The following COL13A1 variants were observed in gnomAD, a reference collection of about 807,000 sequenced individuals.
COL13A1 encodes the protein collagen type XIII alpha 1 chain, also known as collagen alpha-1(XIII) chain.
In COL13A1, 89 loss-of-function variants were observed where a neutral mutation model predicts 130.9. That is an observed-to-expected ratio of 0.68 (90% CI 0.57 to 0.81). The LOEUF is 0.81. Among genes scored for constraint, COL13A1 ranks in the 30% least tolerant of loss-of-function variants. COL13A1 has a pLI of 0.00. For synonymous variants in COL13A1, 402 were observed against 341.6 expected (o/e 1.18, Z -1.95); for missense variants, 879 against 934.6 (o/e 0.94, Z 0.78).
rs374135259 is a variant in COL13A1 at position 69,919,162 on chromosome 10, G to A, written c.1026+74G>A. ...GGCAGAGGTGGGAGGGGCTGCTGCT[G>A]TTTTGCTCTTGGTCCCCCTGAGGCT... On this transcript the variant is annotated intron_variant, in intron 20 of 40. Coordinates refer to ENST00000645393, the MANE Select transcript of COL13A1 (RefSeq NM_001368882.1). The A allele has an allele frequency of 1.1e-4, 178 of 1,597,458 alleles. No individual in the cohort carries two copies. The African/African-American group carries it at 2.0e-3, about 18-fold the overall frequency.
Position 69,891,414 on chromosome 10 carries a change from G to T in COL13A1, c.603+1974G>T, listed in dbSNP as rs545320396. 1.5e-4 allele frequency among the ~76,000 whole-genome samples: 23 copies of T among 152,354 alleles called. No individual in the cohort carries two copies. The South Asian group carries it at 4.3e-3, about 29-fold the overall frequency. On this transcript the variant is annotated intron_variant, in intron 10 of 40. Coordinates refer to ENST00000645393, the MANE Select transcript of COL13A1 (RefSeq NM_001368882.1). ...GAATAGCACGTGCAAAGGTCCTGAG[G>T]TAGGAAAATCCTTGACATGTCTGCA...
intron 2 of COL13A1, among the ~76,000 whole-genome samples, chr10:69,835,794 T>C (rs1849896397): frequency 6.6e-6 from 1 of 152,156 alleles, no homozygotes; most frequent in Non-Finnish European, 1.5e-5. Context: ...CCAGGGAGCA[T>C]GGAGTCAGAT....
At chr10:69,865,956 T>C (rs951807383) in intron 2 of COL13A1, among the ~76,000 whole-genome samples, 33 of 152,206 alleles carry the variant, frequency 2.2e-4, no homozygotes, top group African/African-American at 7.5e-4. Flanking sequence ...AGTTTCTTCA[T>C]CCGCAAGGCG....
chr10:69,863,582 G>C (rs1306977110), intron 2 of COL13A1, among the ~76,000 whole-genome samples: 1 of 152,154 alleles, frequency 6.6e-6, no homozygotes, highest in Non-Finnish European at 1.5e-5. Context: ...TCCAGGACCA[G>C]GACTGGATCC....
intron 14 of COL13A1, among the ~76,000 whole-genome samples, chr10:69,902,178 A>G (rs2062249654): frequency 6.6e-6 from 1 of 152,182 alleles, no homozygotes; most frequent in Non-Finnish European, 1.5e-5. Flanking sequence ...CAAATTTTAT[A>G]TGTAAAGTCT....
chr10:69,836,717 T>C (rs1850160926), intron 2 of COL13A1, among the ~76,000 whole-genome samples: 1 of 152,170 alleles, frequency 6.6e-6, no homozygotes, highest in South Asian at 2.1e-4. Flanking sequence ...CACACAGAGC[T>C]ACATCCTTGG....
intron 2 of COL13A1, among the ~76,000 whole-genome samples, chr10:69,860,916 G>A (rs1174578486): frequency 1.3e-5 from 2 of 152,214 alleles, no homozygotes; most frequent in Admixed American, 6.5e-5. Context: ...CTAGGCTGGC[G>A]AACGGCTTCC....
chr10:69,884,385 C>G (rs2060423410), intron 7 of COL13A1, among the ~76,000 whole-genome samples: 1 of 152,196 alleles, frequency 6.6e-6, no homozygotes, highest in Non-Finnish European at 1.5e-5. Context: ...CATTTGCCGG[C>G]AAGGAGTCTT....
intron 15 of COL13A1, 27 bp downstream of exon 15, chr10:69,902,882 A>C: frequency 6.8e-7 from 1 of 1,475,154 alleles, no homozygotes; most frequent in Non-Finnish European, 9.1e-7. Flanking sequence ...TCTCTCCTTC[A>C]AGACTTATCC....
chr10:69,933,085 A>C (rs2066343318), intron 31 of COL13A1, among the ~76,000 whole-genome samples: 1 of 132,344 alleles, frequency 7.6e-6, no homozygotes, highest in South Asian at 2.7e-4. Flanking sequence ...ACAGTGAGCC[A>C]GGATTGTGCC....
Position 69,887,005 on chromosome 10 carries a change from G to A in COL13A1, c.514-451G>A, listed in dbSNP as rs1171104468. Among the ~76,000 whole-genome samples the A allele has an allele frequency of 3.9e-5, 6 of 152,188 alleles. No homozygotes were observed. The South Asian group carries it at 1.2e-3, about 32-fold the overall frequency. ...AGTCTAGCCTGAAAACACACATTTT[G>A]AAGGTCAGGTTCTGATATCCAAGCC... On this transcript the variant is annotated intron_variant, in intron 7 of 40. Transcript: ENST00000645393.
At chr10:69,803,860 TG>T (rs1840737601) in intron 1 of COL13A1, among the ~76,000 whole-genome samples, 1 of 152,148 alleles carries the variant, frequency 6.6e-6, no homozygotes, top group Admixed American at 6.5e-5. Context: ...CTAACTGTGG[TG>T]GGTGGGGTGC....
intron 10 of COL13A1, among the ~76,000 whole-genome samples, chr10:69,893,419 C>G (rs929591736): frequency 2.0e-5 from 3 of 152,252 alleles, no homozygotes; most frequent in Admixed American, 6.5e-5. Flanking sequence ...CATGGATGGT[C>G]CCAAAGGCCA....
Position 69,889,447 on chromosome 10 carries a change from G to C in COL13A1, c.603+7G>C. ...AGGACCAAAGGGCGACATGGTAAGA[G>C]CCCAGCTTTCCTGCCTTCCCGAGAT... is the stretch of plus-strand genomic sequence containing the variant. On this transcript the variant is annotated splice_region_variant and intron_variant, in intron 10 of 40. Coordinates refer to ENST00000645393, the MANE Select transcript of COL13A1 (RefSeq NM_001368882.1). 6.2e-7 allele frequency: 1 copy of C among 1,611,266 alleles called. No individual in the cohort carries two copies. The highest frequency in any genetic ancestry group is 8.5e-7 in the Non-Finnish European group (1 of 1,178,902).
At chr10:69,923,927 A>AC (rs1156565184) in intron 24 of COL13A1, 72 bp downstream of exon 24, 2 of 1,551,296 alleles carry the variant, frequency 1.3e-6, no homozygotes, top group Admixed American at 1.9e-5. Flanking sequence ...ATCCCGGCCG[A>AC]CCCTAGGGGT....
chr10:69,870,907 G>A (rs965098893), intron 3 of COL13A1, among the ~76,000 whole-genome samples: 1 of 151,984 alleles, frequency 6.6e-6, no homozygotes, highest in Non-Finnish European at 1.5e-5. Flanking sequence ...CTGATGCTTG[G>A]GCGAAGCACA....
intron 31 of COL13A1, among the ~76,000 whole-genome samples, chr10:69,934,287 T>C (rs1458694729): frequency 6.6e-6 from 1 of 152,248 alleles, no homozygotes; most frequent in Non-Finnish European, 1.5e-5. Flanking sequence ...TTAGGATACA[T>C]AAACCACTTA....
chr10:69,845,159 C>CTCTTT (rs1852660619), intron 2 of COL13A1, among the ~76,000 whole-genome samples: 2 of 151,550 alleles, frequency 1.3e-5, no homozygotes, highest in Non-Finnish European at 2.9e-5. Flanking sequence ...GAGCCTCATC[C>CTCTTT]TCTTTTCTTT....
At chr10:69,821,816 G>T (rs750630162) in intron 1 of COL13A1, among the ~76,000 whole-genome samples, 102 of 152,180 alleles carry the variant, frequency 6.7e-4, no homozygotes, top group Non-Finnish European at 1.2e-3. Flanking sequence ...CTACCTCTCT[G>T]ATGCTCCCAC....
Sources: allele counts gnomAD v4.1 joint callset (sites outside exome capture counted in the v4.1 genomes callset), GRCh38; gene constraint gnomAD v4.1.1; transcripts MANE v1.5; gene names NCBI Gene and HGNC (gene_info 2026-07-23, HGNC 2026-07-21).